NIPA1: variants seen among roughly 807,000 people sequenced by gnomAD.
NIPA1 encodes the protein NIPA magnesium transporter 1.
In NIPA1, 13 loss-of-function variants were observed where a neutral mutation model predicts 23.9. The ratio of observed to expected loss-of-function variants is 0.54; its 90% CI spans 0.35 to 0.87. NIPA1 has a LOEUF of 0.87. NIPA1 is among the 40% of genes least tolerant of loss of function. NIPA1 has a pLI of 0.01. For missense variants in NIPA1, 362 were observed against 429.7 expected (o/e 0.84, Z 1.39); for synonymous variants, 234 against 202.9 (o/e 1.15, Z -1.30).
chr15:22,809,328 A>G (rs1895274234), intron 1 of NIPA1, among the ~76,000 whole-genome samples: 1 of 152,114 alleles, frequency 6.6e-6, no homozygotes, highest in Non-Finnish European at 1.5e-5. Flanking sequence ...CAGAGGTTGT[A>G]GTCAGCTGAG....
At chr15:22,796,846 T>G (rs1049255765) in intron 1 of NIPA1, among the ~76,000 whole-genome samples, 2 of 152,120 alleles carry the variant, frequency 1.3e-5, no homozygotes, top group Non-Finnish European at 2.9e-5. Context: ...GGCTCTTTAC[T>G]GTGATATAAT....
chr15:22,792,565 A>C (rs1274375414), intron 1 of NIPA1, among the ~76,000 whole-genome samples: 1 of 150,608 alleles, frequency 6.6e-6, no homozygotes, highest in Non-Finnish European at 1.5e-5. Context: ...TCACCATGTT[A>C]GCCAGAATGG....
At chr15:22,792,264 A>G (rs937832910) in intron 1 of NIPA1, among the ~76,000 whole-genome samples, 3 of 152,250 alleles carry the variant, frequency 2.0e-5, no homozygotes, top group African/African-American at 7.2e-5. Flanking sequence ...CAGGCTGCGC[A>G]GGAGAGCTGC....
intron 1 of NIPA1, among the ~76,000 whole-genome samples, chr15:22,799,679 G>A (rs1050975675): frequency 2.0e-5 from 3 of 151,936 alleles, no homozygotes; most frequent in African/African-American, 7.3e-5. Flanking sequence ...CTACTCGGGA[G>A]GCTGAGTCAG....
rs146129067 is a variant in NIPA1 at position 22,829,203 on chromosome 15, G to A, written c.*4964G>A. 253 of 152,260 alleles carry A rather than the reference G, an allele frequency of 1.7e-3. No individual in the cohort carries two copies. The highest frequency in any genetic ancestry group is 5.9e-3 in the African/African-American group (245 of 41,552). 9.4% of individuals were successfully genotyped at this position (152,260 alleles called of 1,614,324 possible). ...TGTGATGTGCTCCTGACATTCGGCCGAGGTCTGTATTCTGAAAAAGATTTA... is the reference window on the plus strand; with the variant it reads ...TGTGATGTGCTCCTGACATTCGGCCAAGGTCTGTATTCTGAAAAAGATTTA... On this transcript the variant is annotated 3_prime_UTR_variant, in exon 5 of 5. Transcript: ENST00000337435.
intron 1 of NIPA1, among the ~76,000 whole-genome samples, chr15:22,807,807 GGAGTC>G (rs1895241315): frequency 1.1e-5 from 1 of 94,402 alleles, no homozygotes; most frequent in African/African-American, 9.1e-5. Flanking sequence ...TGTGTGTGAT[GGAGTC>G]TCTCTCTGTT....
intron 4 of NIPA1, among the ~76,000 whole-genome samples, chr15:22,822,712 A>G (rs1895563635): frequency 6.6e-6 from 1 of 151,914 alleles, no homozygotes; most frequent in Non-Finnish European, 1.5e-5. Flanking sequence ...ATGTATTCCC[A>G]GCTACTCAGG....
chr15:22,804,214 G>T (rs958557485), intron 1 of NIPA1, among the ~76,000 whole-genome samples: 1 of 152,016 alleles, frequency 6.6e-6, no homozygotes. Context: ...CTGACCCCAG[G>T]TGATTCACCC....
At chr15:22,801,612 G>T (rs1895083130) in intron 1 of NIPA1, among the ~76,000 whole-genome samples, 1 of 150,460 alleles carries the variant, frequency 6.6e-6, no homozygotes, top group South Asian at 2.1e-4. Flanking sequence ...ACCTCCCGGG[G>T]TTCAAGCAGT....
At chr15:22,788,355 T>C (rs530608601) in intron 1 of NIPA1, among the ~76,000 whole-genome samples, 141 of 151,702 alleles carry the variant, frequency 9.3e-4, no homozygotes, top group Admixed American at 3.0e-3. Context: ...CAAAAAATTA[T>C]CCCGGTGTGG....
Position 22,825,569 on chromosome 15 carries a change from G to A in NIPA1, c.*1330G>A, listed in dbSNP as rs190362420. 9 of 152,282 alleles carry A rather than the reference G, an allele frequency of 5.9e-5. No individual in the cohort carries two copies. Among genetic ancestry groups the A allele is most frequent in the African/African-American group, 2.2e-4 (9 of 41,548 alleles). 9.4% of individuals were successfully genotyped at this position (152,282 alleles called of 1,614,324 possible). Reference sequence around the variant, plus strand: ...AGCAAGCATTCATGGCCATTCAGAAGAAATAAATTAGGTAACTTGATAATA... The same window carrying A: ...AGCAAGCATTCATGGCCATTCAGAAAAAATAAATTAGGTAACTTGATAATA... On this transcript the variant is annotated 3_prime_UTR_variant, in exon 5 of 5. Coordinates refer to ENST00000337435, the MANE Select transcript of NIPA1 (RefSeq NM_144599.5).
chr15:22,818,081 T>G (rs7168676), intron 3 of NIPA1, among the ~76,000 whole-genome samples: 38,699 of 152,136 alleles, frequency 0.25, 5,402 homozygotes, highest in Non-Finnish European at 0.32. Flanking sequence ...CATCAATGAA[T>G]TGAAAACTCG....
At chr15:22,812,463 C>T (rs1895338090) in intron 3 of NIPA1, among the ~76,000 whole-genome samples, 1 of 152,080 alleles carries the variant, frequency 6.6e-6, no homozygotes, top group Admixed American at 6.5e-5. Flanking sequence ...ACCAGCCTGG[C>T]CAACATGGTG....
chr15:22,797,506 C>T (rs1204281482), intron 1 of NIPA1, among the ~76,000 whole-genome samples: 5 of 104,450 alleles, frequency 4.8e-5, no homozygotes, highest in African/African-American at 2.1e-4. Context: ...GTCACCGCGC[C>T]TGGCTTTTTT....
At chr15:22,805,664 C>G (rs1031031607) in intron 1 of NIPA1, among the ~76,000 whole-genome samples, 1 of 151,972 alleles carries the variant, frequency 6.6e-6, no homozygotes, top group African/African-American at 2.4e-5. Context: ...CCAGCCTGGG[C>G]AAGAGAGTGA....
chr15:22,786,862 CG>C, intron 1 of NIPA1, 28 bp downstream of exon 1: 1 of 152,918 alleles, frequency 6.5e-6, no homozygotes, highest in Non-Finnish European at 1.3e-5. Context: ...CGGCAGGCGG[CG>C]GGCGGGTGGG....
intron 1 of NIPA1, among the ~76,000 whole-genome samples, chr15:22,806,881 G>C (rs1409246383): frequency 1.3e-5 from 2 of 152,152 alleles, no homozygotes; most frequent in Non-Finnish European, 2.9e-5. Context: ...CAGAACAGGG[G>C]ACACCCCTGG....
Position 22,795,924 on chromosome 15 carries a change from A to C in NIPA1, c.178+9090A>C, listed in dbSNP as rs901242426. Among the ~76,000 whole-genome samples, 24 of 151,854 alleles carry C rather than the reference A, an allele frequency of 1.6e-4. 1 individual carries two copies. The highest frequency in any genetic ancestry group is 1.4e-3 in the Admixed American group (22 of 15,246). The stretch of plus-strand genomic sequence containing the variant: ...GGTTAGGGGGAAGATAGATAAATCC[A>C]CCTACAGATAAGGCATTTTTTTTTT... On this transcript the variant is annotated intron_variant, in intron 1 of 4. Coordinates refer to ENST00000337435, the MANE Select transcript of NIPA1 (RefSeq NM_144599.5).
At chr15:22,802,264 T>A (rs539523913) in intron 1 of NIPA1, among the ~76,000 whole-genome samples, 30 of 151,936 alleles carry the variant, frequency 2.0e-4, no homozygotes, top group South Asian at 1.5e-3. Context: ...TGGTGGCACA[T>A]GCCTGTAATC....
Sources: allele counts gnomAD v4.1 joint callset (sites outside exome capture counted in the v4.1 genomes callset), GRCh38; gene constraint gnomAD v4.1.1; transcripts MANE v1.5; gene names NCBI Gene and HGNC (gene_info 2026-07-23, HGNC 2026-07-21).